Variants in TBC1D5 observed in about 807,000 individuals in gnomAD.
TBC1D5 encodes TBC1 domain family member 5.
In TBC1D5, 75 loss-of-function variants were observed where a neutral mutation model predicts 100.3. The observed-to-expected ratio is 0.75, with a 90% CI of 0.62 to 0.91. The LOEUF is 0.91. Ranked by LOEUF, TBC1D5 falls within the 40% of genes least tolerant of loss-of-function variation. The pLI, the probability that TBC1D5 is intolerant of heterozygous loss-of-function variation, is 0.00. For missense variants in TBC1D5, 910 were observed against 942.4 expected (o/e 0.97, Z 0.45); for synonymous variants, 323 against 325.6 (o/e 0.99, Z 0.09).
chr3:17,716,592 G>A (rs2153953009), intron 1 of TBC1D5, among the ~76,000 whole-genome samples: 1 of 152,048 alleles, frequency 6.6e-6, no homozygotes, highest in Non-Finnish European at 1.5e-5. Flanking sequence ...TTTTAACAAT[G>A]TAAAATATCA....
chr3:17,460,152 T>C (rs1233956612), intron 3 of TBC1D5, among the ~76,000 whole-genome samples: 3 of 151,922 alleles, frequency 2.0e-5, no homozygotes, highest in South Asian at 4.1e-4. Context: ...ATTAATGACA[T>C]GTTATGGGAA....
chr3:17,512,155 G>A (rs911958850), intron 2 of TBC1D5, among the ~76,000 whole-genome samples: 2 of 151,808 alleles, frequency 1.3e-5, no homozygotes, highest in Non-Finnish European at 2.9e-5. Flanking sequence ...ATTTTCCTAC[G>A]AATTTCCCAA....
chr3:17,483,506 A>C (rs866100540), intron 3 of TBC1D5, among the ~76,000 whole-genome samples: 3 of 152,304 alleles, frequency 2.0e-5, no homozygotes, highest in Middle Eastern at 3.4e-3. Flanking sequence ...CCATAACCAA[A>C]ATTTCTACTC....
At chr3:17,286,912 G>A (rs2081245469) in intron 15 of TBC1D5, among the ~76,000 whole-genome samples, 1 of 152,136 alleles carries the variant, frequency 6.6e-6, no homozygotes, top group Non-Finnish European at 1.5e-5. Flanking sequence ...AGGAGAAGCT[G>A]GATAAGACTG....
At chr3:17,381,885 C>T (rs1330086723) in intron 9 of TBC1D5, among the ~76,000 whole-genome samples, 1 of 151,970 alleles carries the variant, frequency 6.6e-6, no homozygotes, top group Admixed American at 6.6e-5. Context: ...AATGGTTTTT[C>T]CAGACGGAAA....
At chr3:17,709,215 C>T (rs908629261) in intron 1 of TBC1D5, among the ~76,000 whole-genome samples, 5 of 152,168 alleles carry the variant, frequency 3.3e-5, no homozygotes, top group African/African-American at 9.6e-5. Context: ...CGAAAGAGAT[C>T]ATGACTTATC....
At chr3:17,556,749 T>A (rs1022938546) in intron 2 of TBC1D5, among the ~76,000 whole-genome samples, 6 of 152,354 alleles carry the variant, frequency 3.9e-5, no homozygotes, top group African/African-American at 1.4e-4. Context: ...AAACTTTCCA[T>A]AAATGATTGT....
chr3:17,226,697 C>T (rs1248434315), intron 17 of TBC1D5, among the ~76,000 whole-genome samples: 1 of 152,180 alleles, frequency 6.6e-6, no homozygotes, highest in East Asian at 1.9e-4. Flanking sequence ...GTCGGTTTAG[C>T]TCTCTCCCTG....
At chr3:17,238,607 C>T (rs571762369) in intron 16 of TBC1D5, among the ~76,000 whole-genome samples, 188 bp from the exon 17 acceptor site, 41 of 152,236 alleles carry the variant, frequency 2.7e-4, no homozygotes, top group Non-Finnish European at 3.7e-4. Context: ...AAAAACATAG[C>T]TTATGGAAAA....
At chr3:17,166,370 C>T (rs578252469) in intron 21 of TBC1D5, among the ~76,000 whole-genome samples, 2 of 152,266 alleles carry the variant, frequency 1.3e-5, no homozygotes, top group South Asian at 4.1e-4. Context: ...GAAGTGAAAT[C>T]CACTCGAGAC....
rs1032341997 is a variant in TBC1D5, at chr3:17,561,153, C to T, written c.-35-52548G>A. ...TATTTCTTGACCTAAGTAATAATTA[C>T]AGGCATGTTTACCTTAAAATAATTC... On this transcript the variant is annotated intron_variant, in intron 2 of 21. Transcript: ENST00000253692. 3.3e-5 allele frequency among the ~76,000 whole-genome samples: 5 copies of T among 152,232 alleles called. No individual in the cohort carries two copies. In the East Asian group the frequency reaches 5.8e-4, roughly 18 times the overall value.
chr3:17,396,963 G>GT (rs2093523608), intron 8 of TBC1D5, among the ~76,000 whole-genome samples: 1 of 152,040 alleles, frequency 6.6e-6, no homozygotes, highest in South Asian at 2.1e-4. Context: ...AGAACTTTCT[G>GT]TAAGAATGGA....
Position 17,372,343 on chromosome 3 carries a change from T to G in TBC1D5, c.823-96A>C, listed in dbSNP as rs145251432. ...TCAATGACAGTTTAAACAAGAAGTCTTATTATCTGCCTACTACTCATTCTT... is the reference window on the plus strand; with the variant it reads ...TCAATGACAGTTTAAACAAGAAGTCGTATTATCTGCCTACTACTCATTCTT... On this transcript the variant is annotated intron_variant, in intron 12 of 21. Transcript: ENST00000253692. The G allele has an allele frequency of 2.2e-3, 2,547 of 1,156,150 alleles. 44 individuals are homozygous for G. The African/African-American group carries it at 0.034, about 16-fold the overall frequency. 71.6% of individuals were successfully genotyped at this position (1,156,150 alleles called of 1,614,324 possible).
At chr3:17,232,505 T>C (rs1028084600) in intron 17 of TBC1D5, among the ~76,000 whole-genome samples, 3 of 152,194 alleles carry the variant, frequency 2.0e-5, no homozygotes, top group Non-Finnish European at 4.4e-5. Context: ...CTCTTGTCCA[T>C]GCTATTATAC....
At chr3:17,675,241 A>G (rs1331600296) in intron 1 of TBC1D5, among the ~76,000 whole-genome samples, 1 of 152,126 alleles carries the variant, frequency 6.6e-6, no homozygotes, top group Non-Finnish European at 1.5e-5. Context: ...TAAAAATAAA[A>G]TTCAGAACAC....
chr3:17,230,704 A>T (rs1296463777), intron 17 of TBC1D5, among the ~76,000 whole-genome samples: 1 of 152,164 alleles, frequency 6.6e-6, no homozygotes, highest in East Asian at 1.9e-4. Context: ...AATTTTAAAG[A>T]TGCCTATGGA....
intron 3 of TBC1D5, among the ~76,000 whole-genome samples, chr3:17,430,527 C>T (rs1445153543): frequency 2.0e-5 from 3 of 151,650 alleles, no homozygotes; most frequent in East Asian, 3.9e-4. Flanking sequence ...AAAAAAAAAG[C>T]AGTTTTTCTT....
intron 18 of TBC1D5, among the ~76,000 whole-genome samples, chr3:17,195,625 C>T (rs1160279521): frequency 6.6e-6 from 1 of 152,090 alleles, no homozygotes; most frequent in Admixed American, 6.5e-5. Flanking sequence ...CTATAATGTC[C>T]CAATAGAGAC....
At chr3:17,198,711 G>C (rs2071055102) in intron 18 of TBC1D5, among the ~76,000 whole-genome samples, 2 of 152,150 alleles carry the variant, frequency 1.3e-5, no homozygotes, top group South Asian at 4.1e-4. Context: ...GGGAAGGGCA[G>C]GGCAGGTCAG....
Sources: allele counts gnomAD v4.1 joint callset (sites outside exome capture counted in the v4.1 genomes callset), GRCh38; gene constraint gnomAD v4.1.1; transcripts MANE v1.5; gene names NCBI Gene and HGNC (gene_info 2026-07-23, HGNC 2026-07-21).